The following SLC25A16 variants were observed in gnomAD, a reference collection of about 807,000 sequenced individuals.
SLC25A16 encodes mitochondrial coenzyme A transporter SLC25A16.
A neutral mutation model predicts 41.5 loss-of-function variants in SLC25A16; 39 were observed. The observed-to-expected ratio is 0.94, with a 90% confidence interval of 0.73 to 1.23. The LOEUF is 1.23. SLC25A16 is among the 50% of genes most tolerant of loss of function. The pLI is 0.00. For synonymous variants in SLC25A16, 146 were observed against 147.8 expected, an observed-to-expected ratio of 0.99 and a Z score of 0.09; for missense variants, 421 against 426.9, an observed-to-expected ratio of 0.99 and a Z score of 0.12.
intron 1 of SLC25A16, among the ~76,000 whole-genome samples, chr10:68,520,074 C>T (rs1435028493): frequency 6.6e-6 from 1 of 150,884 alleles, no homozygotes; most frequent in Non-Finnish European, 1.5e-5. Flanking sequence ...CCCCAGCCTC[C>T]CGAGTAGGTG....
chr10:68,490,287 A>C (rs576059952), intron 6 of SLC25A16, among the ~76,000 whole-genome samples: 254 of 152,166 alleles, frequency 1.7e-3, no homozygotes, highest in Non-Finnish European at 3.2e-3. Flanking sequence ...ACTCTATGTC[A>C]AAGAAACAAA....
chr10:68,514,276 C>T (rs889771588), intron 2 of SLC25A16, among the ~76,000 whole-genome samples: 1 of 152,108 alleles, frequency 6.6e-6, no homozygotes, highest in Non-Finnish European at 1.5e-5. Context: ...ACGGGCAGAT[C>T]ACAAGGTCAC....
At chr10:68,490,690 A>G (rs1433052994) in intron 6 of SLC25A16, among the ~76,000 whole-genome samples, 10 of 150,444 alleles carry the variant, frequency 6.6e-5, no homozygotes, top group Admixed American at 1.3e-4. Flanking sequence ...GTGAAGGGGA[A>G]AAAAAAAAAC....
intron 4 of SLC25A16, chr10:68,496,801 A>C: frequency 3.2e-6 from 2 of 627,488 alleles, no homozygotes; most frequent in Non-Finnish European, 4.0e-6. Flanking sequence ...AGAAATAAAC[A>C]CAAAAGACTT....
intron 1 of SLC25A16, among the ~76,000 whole-genome samples, chr10:68,522,137 T>C (rs7084085): frequency 0.74 from 111,907 of 150,284 alleles, 42,499 homozygotes; most frequent in East Asian, 0.85. Flanking sequence ...CACTCCAGCC[T>C]GGACAACAGA....
rs186467018 is a variant in SLC25A16 at position 68,488,060 on chromosome 10, C to T, written c.773+407G>A. Among the ~76,000 whole-genome samples the T allele has an allele frequency of 1.8e-4, 28 of 152,198 alleles. 1 individual carries two copies. In the East Asian group the frequency reaches 5.4e-3, roughly 29 times the overall value. ...TAAAGACGGGTTTTCACCATGTTGG[C>T]CAGATGGTCTCAATCTCTTGACCTT... On this transcript the variant is annotated intron_variant, in intron 7 of 8. Coordinates refer to ENST00000609923, the MANE Select transcript of SLC25A16 (RefSeq NM_152707.4).
chr10:68,503,956 C>T (rs1423785062), intron 3 of SLC25A16, among the ~76,000 whole-genome samples: 1 of 149,900 alleles, frequency 6.7e-6, no homozygotes, highest in Non-Finnish European at 1.5e-5. Flanking sequence ...GTATATGATA[C>T]TGTGTATTAA....
intron 1 of SLC25A16, among the ~76,000 whole-genome samples, chr10:68,518,411 C>CT (rs1271773292): frequency 1.3e-5 from 2 of 151,008 alleles, no homozygotes; most frequent in African/African-American, 4.9e-5. Flanking sequence ...GAGACTATGT[C>CT]TTAAAAAAAG....
chr10:68,498,453 G>A (rs1036756706), intron 4 of SLC25A16, among the ~76,000 whole-genome samples: 2 of 151,942 alleles, frequency 1.3e-5, no homozygotes, highest in African/African-American at 4.8e-5. Context: ...TACTTGGGAG[G>A]TTGAGATGGG....
At position 68,479,621 on chromosome 10, in the gene SLC25A16, A is replaced by T. The variant is rs1453806073; in HGVS notation, c.*3811T>A. The T allele has an allele frequency of 6.6e-6, 1 of 152,166 alleles. No individual in the cohort carries two copies. The allele number at this position is 152,166 out of a possible 1,614,324, so 9.4% of individuals were successfully genotyped here. A position where few individuals can be genotyped will look rare whatever the true frequency, so the allele number is the denominator to read the frequency against. On this transcript the variant is annotated 3_prime_UTR_variant, in exon 9 of 9. Transcript: ENST00000609923. ...GGTATTCAAGACCAGCCTGGCCAAC[A>T]GGGCAAAACCCAGCTCTACTAAATA...
chr10:68,502,788 GGGAGGGGTAGGGAGGGAAGC>G (rs1163588744), intron 4 of SLC25A16, among the ~76,000 whole-genome samples: 12 of 63,528 alleles, frequency 1.9e-4, no homozygotes, highest in African/African-American at 8.1e-4. Context: ...AAGAGGGGAG[GGGAGGGGTAGGGAGGGAAGC>G]GGAGGGGAAA....
chr10:68,513,303 G>A (rs1376898914), intron 2 of SLC25A16, among the ~76,000 whole-genome samples: 1 of 150,978 alleles, frequency 6.6e-6, no homozygotes, highest in Non-Finnish European at 1.5e-5. Context: ...CAGCTACATA[G>A]GAGGCTGACA....
intron 8 of SLC25A16, among the ~76,000 whole-genome samples, chr10:68,486,356 A>C (rs188508509): frequency 1.3e-5 from 2 of 151,978 alleles, no homozygotes; most frequent in African/African-American, 4.8e-5. Context: ...TGGCCCCCCA[A>C]ATTGCTCGGA....
In SLC25A16 at chr10:68,509,712, AATCTATATATCTATCTATCTATATATAT is replaced by A. The variant is rs2053021235; in HGVS notation, c.224-3022_224-2995del. 2.2e-5 allele frequency among the ~76,000 whole-genome samples: 3 copies of A among 135,254 alleles called. No individual in the cohort carries two copies. The South Asian group carries it at 6.9e-4, about 31-fold the overall frequency. The allele number at this position is 135,254 out of a possible 152,430, so 88.7% of individuals were successfully genotyped here. A position where few individuals can be genotyped will look rare whatever the true frequency, so the allele number is the denominator to read the frequency against. On this transcript the variant is annotated intron_variant, in intron 2 of 8. Transcript: ENST00000609923. ...AATAAGACCATGTCTCAAAAAAAAAAATCTATATATCTATCTATCTATATATATATCTATATATATAGATATATAGATA... is the reference window on the plus strand; with the variant it reads ...AATAAGACCATGTCTCAAAAAAAAAAATCTATATATATAGATATATAGATA...
chr10:68,519,102 G>A (rs527592021), intron 1 of SLC25A16, among the ~76,000 whole-genome samples: 1 of 151,830 alleles, frequency 6.6e-6, no homozygotes, highest in African/African-American at 2.4e-5. Flanking sequence ...TGAGGCAGGA[G>A]AATCACTTGA....
intron 4 of SLC25A16, among the ~76,000 whole-genome samples, chr10:68,498,873 ATAT>A (rs2052795115): frequency 6.6e-6 from 1 of 152,192 alleles, no homozygotes; most frequent in Non-Finnish European, 1.5e-5. Flanking sequence ...TGGTTGTTAA[ATAT>A]TTTGAATATC....
chr10:68,516,399 G>GT (rs1418628298), intron 2 of SLC25A16, among the ~76,000 whole-genome samples: 1 of 150,804 alleles, frequency 6.6e-6, no homozygotes. Flanking sequence ...GCTGGGGAAG[G>GT]TAAAAAAAAA....
Position 68,527,450 on chromosome 10 carries a change from G to T in SLC25A16, c.-75C>A. 7.3e-7 allele frequency: 1 copy of T among 1,369,290 alleles called. No individual in the cohort carries two copies. The highest frequency in any genetic ancestry group is 2.9e-5 in the East Asian group (1 of 33,916). The allele number at this position is 1,369,290 out of a possible 1,614,324, so 84.8% of individuals were successfully genotyped here. A position where few individuals can be genotyped will look rare whatever the true frequency, so the allele number is the denominator to read the frequency against. On this transcript the variant is annotated 5_prime_UTR_variant, in exon 1 of 9. Coordinates refer to ENST00000609923, the MANE Select transcript of SLC25A16 (RefSeq NM_152707.4). The stretch of plus-strand genomic sequence containing the variant: ...GGACGGGACCATAGCCGGAACAGGC[G>T]GTGACAGGAGGCTGACCGCCCCGCC...
chr10:68,481,761 G>C lies in SLC25A16; in HGVS notation c.*1671C>G, dbSNP rs992104874. 1 of 152,144 alleles carries C rather than the reference G, an allele frequency of 6.6e-6. No individual in the cohort carries two copies. The highest frequency in any genetic ancestry group is 1.5e-5 in the Non-Finnish European group (1 of 68,078). 9.4% of individuals were successfully genotyped at this position (152,144 alleles called of 1,614,324 possible). On this transcript the variant is annotated 3_prime_UTR_variant, in exon 9 of 9. Transcript: ENST00000609923. ...CGCGAGTAACTGGGACTACAGGCAC[G>C]AGCCACCACACCTGCTACTTTTTGT...
Sources: gnomAD v4.1 joint callset for allele counts (sites outside exome capture counted in the v4.1 genomes callset) on GRCh38, gnomAD v4.1.1 for gene constraint, MANE v1.5 for transcripts, NCBI Gene and HGNC (gene_info 2026-07-23, HGNC 2026-07-21) for gene names.